The following DLG2 variants were observed in gnomAD, a reference collection of about 807,000 sequenced individuals.
The protein encoded by DLG2 is discs large MAGUK scaffold protein 2, also known as disks large homolog 2.
Under a neutral mutation model 132.5 loss-of-function variants are expected in DLG2, and 45 were observed. The ratio of observed to expected loss-of-function variants is 0.34; its 90% CI spans 0.27 to 0.44. The LOEUF (loss-of-function observed/expected upper bound fraction) is 0.44, where lower values mean the gene tolerates loss of function less well. Ranked by LOEUF, DLG2 falls within the 20% of genes least tolerant of loss-of-function variation. DLG2 has a pLI of 1.00. For missense variants in DLG2, 1,045 were observed against 1,196.9 expected (o/e 0.87, Z 1.87); for synonymous variants, 424 against 419.6 (o/e 1.01, Z -0.13).
chr11:84,578,291 G>C (rs2099508132), intron 6 of DLG2, among the ~76,000 whole-genome samples: 1 of 152,066 alleles, frequency 6.6e-6, no homozygotes, highest in Non-Finnish European at 1.5e-5. Flanking sequence ...GGGCCACTGT[G>C]CTCCAGACCC....
At chr11:84,904,936 T>C (rs1015503915) in intron 6 of DLG2, among the ~76,000 whole-genome samples, 4 of 152,198 alleles carry the variant, frequency 2.6e-5, no homozygotes, top group Admixed American at 6.5e-5. Context: ...TTTTGTTTTG[T>C]TTTTTGAGAC....
intron 2 of DLG2, among the ~76,000 whole-genome samples, chr11:85,618,602 G>T (rs977843983): frequency 1.3e-5 from 2 of 152,082 alleles, no homozygotes; most frequent in South Asian, 4.2e-4. Flanking sequence ...TAGACACTAC[G>T]CAAGGGACTA....
rs118117646 is a variant in DLG2 at position 83,605,356 on chromosome 11, C to T, written c.1940+27855G>A. ...GGAAATGAGCTTTTTACGACCCACT[C>T]GGCAATGGTATTTAATAACGTGGAG... is the stretch of plus-strand genomic sequence containing the variant. On this transcript the variant is annotated intron_variant, in intron 19 of 27. Coordinates refer to ENST00000376104, the MANE Select transcript of DLG2 (RefSeq NM_001142699.3). 2.0e-4 allele frequency among the ~76,000 whole-genome samples: 30 copies of T among 152,176 alleles called. No individual in the cohort carries two copies. In the East Asian group the frequency reaches 4.4e-3, roughly 23 times the overall value.
intron 6 of DLG2, among the ~76,000 whole-genome samples, chr11:84,635,340 C>G (rs2099638858): frequency 6.6e-6 from 1 of 152,094 alleles, no homozygotes; most frequent in Non-Finnish European, 1.5e-5. Flanking sequence ...CCCATTACCA[C>G]TCTTGGCTTT....
chr11:85,395,530 G>C (rs964034653), intron 3 of DLG2, among the ~76,000 whole-genome samples: 6 of 152,180 alleles, frequency 3.9e-5, no homozygotes, highest in South Asian at 2.1e-4. Flanking sequence ...GCCATACCTA[G>C]AGAAACGGTA....
intron 3 of DLG2, among the ~76,000 whole-genome samples, chr11:85,438,420 A>T (rs982560156): frequency 6.6e-6 from 1 of 152,202 alleles, no homozygotes; most frequent in Non-Finnish European, 1.5e-5. Context: ...GATATATTTT[A>T]AAATTAAAAT....
intron 6 of DLG2, among the ~76,000 whole-genome samples, chr11:84,559,016 CAG>C (rs753952213): frequency 2.6e-5 from 4 of 152,124 alleles, no homozygotes; most frequent in Admixed American, 6.6e-5. Context: ...TTGTTACCAA[CAG>C]AGAGTCATGA....
chr11:85,008,335 T>C (rs2154134062), intron 6 of DLG2, among the ~76,000 whole-genome samples: 1 of 152,298 alleles, frequency 6.6e-6, no homozygotes, highest in Non-Finnish European at 1.5e-5. Context: ...AATTCCATCC[T>C]TGATTCTTAC....
intron 7 of DLG2, among the ~76,000 whole-genome samples, chr11:84,252,140 CTTTTTTTTTTTTT>C (rs1176873990): frequency 2.6e-4 from 17 of 65,360 alleles, no homozygotes; most frequent in African/African-American, 8.9e-4. Flanking sequence ...TTCTTTCTTT[CTTTTTTTTTTTTT>C]TTTTTTTTTT....
rs116924188 is a variant in DLG2 at position 84,267,310 on chromosome 11, G to A, written c.520-16019C>T. On this transcript the variant is annotated intron_variant, in intron 7 of 27. Coordinates refer to ENST00000376104, the MANE Select transcript of DLG2 (RefSeq NM_001142699.3). ...ATGTTAATCAGGGTTGAAGTAAGGA[G>A]GGAAAAGGCATGTCTTCTGGTTACT... Among the ~76,000 whole-genome samples, 172 of 152,318 alleles carry A rather than the reference G, an allele frequency of 1.1e-3. 2 individuals carry two copies. Among genetic ancestry groups the A allele is most frequent in the Non-Finnish European group, 2.0e-3 (137 of 68,030 alleles).
intron 8 of DLG2, among the ~76,000 whole-genome samples, chr11:84,181,329 T>A (rs1192112342): frequency 6.6e-6 from 1 of 151,628 alleles, no homozygotes; most frequent in Non-Finnish European, 1.5e-5. Flanking sequence ...ATGGCAACCA[T>A]TGAAAAAGTA....
At chr11:85,367,669 G>C (rs1040129516) in intron 3 of DLG2, among the ~76,000 whole-genome samples, 1 of 151,988 alleles carries the variant, frequency 6.6e-6, no homozygotes, top group Non-Finnish European at 1.5e-5. Flanking sequence ...AAAATATGAA[G>C]ATAAAATACT....
chr11:83,466,636 C>A, intron 26 of DLG2, 72 bp downstream of exon 26: 1 of 753,064 alleles, frequency 1.3e-6, no homozygotes, highest in Non-Finnish European at 2.2e-6. Context: ...CAGCAAAATC[C>A]TGTTAGTAAT....
chr11:83,529,806 C>G (rs1252714904), intron 21 of DLG2, among the ~76,000 whole-genome samples: 1 of 152,116 alleles, frequency 6.6e-6, no homozygotes, highest in Non-Finnish European at 1.5e-5. Flanking sequence ...TTCAGGGCTT[C>G]CCTTCCCAGA....
At chr11:84,435,918 T>C (rs2098999268) in intron 7 of DLG2, among the ~76,000 whole-genome samples, 1 of 152,132 alleles carries the variant, frequency 6.6e-6, no homozygotes, top group Non-Finnish European at 1.5e-5. Flanking sequence ...GTCAGAGCCA[T>C]TTATGGTCTC....
chr11:84,558,136 A>G (rs1188707590), intron 6 of DLG2, among the ~76,000 whole-genome samples: 3 of 152,182 alleles, frequency 2.0e-5, no homozygotes, highest in African/African-American at 7.2e-5. Flanking sequence ...ATTCATTAAT[A>G]TTTATTCTAA....
chr11:85,202,786 C>G (rs1482015414), intron 4 of DLG2, among the ~76,000 whole-genome samples: 1 of 151,854 alleles, frequency 6.6e-6, no homozygotes, highest in Admixed American at 6.6e-5. Flanking sequence ...ACAACATGCT[C>G]ATGAACAACC....
intron 6 of DLG2, among the ~76,000 whole-genome samples, chr11:84,819,721 T>A (rs1160122811): frequency 2.0e-5 from 3 of 151,902 alleles, no homozygotes; most frequent in Non-Finnish European, 4.4e-5. Context: ...CTGGGGATGT[T>A]AGAAACACTG....
At chr11:85,312,390 A>G (rs554320551) in intron 3 of DLG2, among the ~76,000 whole-genome samples, 27 of 150,720 alleles carry the variant, frequency 1.8e-4, no homozygotes, top group Non-Finnish European at 3.5e-4. Flanking sequence ...TAACCTTATA[A>G]GTATATAATT....
Sources: allele counts gnomAD v4.1 joint callset (sites outside exome capture counted in the v4.1 genomes callset), GRCh38; gene constraint gnomAD v4.1.1; transcripts MANE v1.5; gene names NCBI Gene and HGNC (gene_info 2026-07-23, HGNC 2026-07-21).